The following BABAM2 variants were observed in gnomAD, a reference collection of about 807,000 sequenced individuals.
The protein encoded by BABAM2 is BRISC and BRCA1-A complex member 2.
A neutral mutation model predicts 54.7 loss-of-function variants in BABAM2; 31 were observed. That is an observed-to-expected ratio of 0.57 (90% CI 0.43 to 0.77). The LOEUF (loss-of-function observed/expected upper bound fraction) is 0.77, where lower values mean the gene tolerates loss of function less well. Among genes scored for constraint, BABAM2 ranks in the 30% least tolerant of loss-of-function variants. BABAM2 has a pLI of 0.00. For missense variants in BABAM2, 364 were observed against 455.8 expected (o/e 0.80, Z 1.83); for synonymous variants, 167 against 162.9 (o/e 1.03, Z -0.19).
intron 7 of BABAM2, among the ~76,000 whole-genome samples, chr2:28,172,243 G>A (rs561245146): frequency 2.0e-5 from 3 of 152,200 alleles, no homozygotes; most frequent in Non-Finnish European, 2.9e-5. Context: ...AATAATATAC[G>A]TAGTTTTGTC....
intron 6 of BABAM2, among the ~76,000 whole-genome samples, chr2:28,102,784 G>A (rs1250444391): frequency 6.6e-6 from 1 of 152,186 alleles, no homozygotes; most frequent in Non-Finnish European, 1.5e-5. Context: ...TCCAGGAATA[G>A]ACTCAGTCAG....
intron 3 of BABAM2, among the ~76,000 whole-genome samples, chr2:27,983,635 A>G (rs187021395): frequency 2.0e-5 from 3 of 152,176 alleles, no homozygotes; most frequent in East Asian, 1.9e-4. Flanking sequence ...AATTTCTTCA[A>G]ACAATGTTGT....
intron 11 of BABAM2, among the ~76,000 whole-genome samples, chr2:28,302,656 T>A (rs1688200318): frequency 1.3e-5 from 2 of 152,146 alleles, no homozygotes; most frequent in Non-Finnish European, 2.9e-5. Flanking sequence ...TATGAGAAGG[T>A]GACAAGCTTT....
intron 6 of BABAM2, among the ~76,000 whole-genome samples, chr2:28,072,124 G>T (rs1376727636): frequency 6.6e-6 from 1 of 151,028 alleles, no homozygotes; most frequent in Non-Finnish European, 1.5e-5. Flanking sequence ...GGCCTTAAGC[G>T]ATCTTCCTGC....
At chr2:28,183,454 A>G (rs1675860559) in intron 7 of BABAM2, among the ~76,000 whole-genome samples, 1 of 152,194 alleles carries the variant, frequency 6.6e-6, no homozygotes, top group South Asian at 2.1e-4. Context: ...AAAAAAATTT[A>G]CAAAACATAT....
chr2:27,900,106 G>A (rs187479235), intron 2 of BABAM2, among the ~76,000 whole-genome samples: 22 of 152,256 alleles, frequency 1.4e-4, no homozygotes. Context: ...GTCACTTTTG[G>A]CATTCCTTTC....
At position 28,325,591 on chromosome 2, in the gene BABAM2, C is replaced by T. The variant is rs183135988; in HGVS notation, c.1089-12859C>T. 6.3e-3 allele frequency among the ~76,000 whole-genome samples: 953 copies of T among 152,316 alleles called. 4 individuals are homozygous for T. Among genetic ancestry groups the T allele is most frequent in the African/African-American group, 0.022 (910 of 41,552 alleles). On this transcript the variant is annotated intron_variant, in intron 11 of 11. Coordinates refer to ENST00000379624, the MANE Select transcript of BABAM2 (RefSeq NM_199191.3). The surrounding 1 kb of genome is among the most constrained non-coding windows in gnomAD (Gnocchi z 4.3). Reference sequence around the variant, plus strand: ...ACCCTCTCCCATTGAGTAGTTTCTTCTTTGGGAATTGCTGCTTTTCTGTCT... The same window carrying T: ...ACCCTCTCCCATTGAGTAGTTTCTTTTTTGGGAATTGCTGCTTTTCTGTCT...
chr2:28,167,463 G>A (rs1673807165), intron 7 of BABAM2, among the ~76,000 whole-genome samples: 1 of 152,122 alleles, frequency 6.6e-6, no homozygotes, highest in Non-Finnish European at 1.5e-5. Context: ...GGAGGCCAAG[G>A]TGGGAGGATC....
chr2:28,000,467 C>T (rs1364806964), intron 4 of BABAM2, among the ~76,000 whole-genome samples: 2 of 152,076 alleles, frequency 1.3e-5, no homozygotes, highest in Non-Finnish European at 2.9e-5. Context: ...ATATTGATAG[C>T]CACATACTAT....
At chr2:28,241,083 TAA>T (rs747793986) in intron 8 of BABAM2, among the ~76,000 whole-genome samples, 1 of 152,132 alleles carries the variant, frequency 6.6e-6, no homozygotes, top group Non-Finnish European at 1.5e-5. Context: ...CTGAAATATT[TAA>T]GAGTGAACTG....
At chr2:28,131,076 A>ATTTTTTTT (rs1179062903) in intron 7 of BABAM2, among the ~76,000 whole-genome samples, 2 of 5,126 alleles carry the variant, frequency 3.9e-4, no homozygotes, top group East Asian at 2.9e-3. Context: ...TATTATTATT[A>ATTTTTTTT]TTATTTTTTT....
In BABAM2 at chr2:28,304,943, A is replaced by G. The variant is rs892242050; in HGVS notation, c.1088+6452A>G. ...TCCACCTGCCTTGGCCTCCCAAAGC[A>G]CTAGGATTACAGGCATGAGCCAGCA... On this transcript the variant is annotated intron_variant, in intron 11 of 11. Transcript: ENST00000379624. The surrounding 1 kb of genome is among the most constrained non-coding windows in gnomAD (Gnocchi z 4.0). 1.3e-5 allele frequency among the ~76,000 whole-genome samples: 2 copies of G among 152,014 alleles called. No individual in the cohort carries two copies. Among genetic ancestry groups the G allele is most frequent in the Non-Finnish European group, 2.9e-5 (2 of 67,992 alleles).
chr2:28,103,666 A>G (rs1017795563), intron 6 of BABAM2, among the ~76,000 whole-genome samples: 1 of 152,156 alleles, frequency 6.6e-6, no homozygotes, highest in African/African-American at 2.4e-5. Flanking sequence ...TTTCTTTTCA[A>G]CCATCACTGA....
intron 7 of BABAM2, among the ~76,000 whole-genome samples, chr2:28,136,509 T>G (rs1034056500): frequency 6.6e-6 from 1 of 152,374 alleles, no homozygotes. Flanking sequence ...TGACACTATG[T>G]GCATGTTAAG....
chr2:27,933,764 G>GT (rs59022185), intron 3 of BABAM2, among the ~76,000 whole-genome samples: 9,010 of 110,728 alleles, frequency 0.081, 583 homozygotes, highest in African/African-American at 0.14. Context: ...TGCCTGGCTT[G>GT]TTTTTTTTTT....
intron 6 of BABAM2, among the ~76,000 whole-genome samples, chr2:28,097,730 C>A (rs1375570850): frequency 6.6e-6 from 1 of 152,164 alleles, no homozygotes; most frequent in African/African-American, 2.4e-5. Context: ...CTCTCTTCCA[C>A]AGTTGGAGTG....
At chr2:28,215,727 A>G (rs761785283) in intron 7 of BABAM2, among the ~76,000 whole-genome samples, 9 of 152,090 alleles carry the variant, frequency 5.9e-5, no homozygotes, top group Non-Finnish European at 1.3e-4. Context: ...TTTTTAGGTA[A>G]TAATCAAGCT....
chr2:28,055,408 CTAAAA>C (rs112135065), intron 6 of BABAM2, among the ~76,000 whole-genome samples: 5 of 151,936 alleles, frequency 3.3e-5, no homozygotes, highest in African/African-American at 1.2e-4. Flanking sequence ...ACCCCTGAAC[CTAAAA>C]TAAAAGTTAA....
chr2:27,901,606 G>A (rs1396066329), intron 2 of BABAM2, among the ~76,000 whole-genome samples: 1 of 152,182 alleles, frequency 6.6e-6, no homozygotes, highest in Non-Finnish European at 1.5e-5. Context: ...ACTGATCTCA[G>A]TTTGGCTGCA....
Sources: gnomAD v4.1 joint callset for allele counts (sites outside exome capture counted in the v4.1 genomes callset) on GRCh38, gnomAD v4.1.1 for gene constraint, Gnocchi (gnomAD v3.1) non-coding constraint, MANE v1.5 for transcripts, NCBI Gene and HGNC (gene_info 2026-07-23, HGNC 2026-07-21) for gene names.